The following MED13L variants were observed in gnomAD, a reference collection of about 807,000 sequenced individuals.
MED13L encodes mediator complex subunit 13L.
In MED13L, 7 loss-of-function variants were observed where a neutral mutation model predicts 220.9. The ratio of observed to expected loss-of-function variants is 0.03; its 90% CI spans 0.02 to 0.06. The LOEUF (loss-of-function observed/expected upper bound fraction) is 0.06, where lower values mean the gene tolerates loss of function less well. Among genes scored for constraint, MED13L ranks in the 10% least tolerant of loss-of-function variants. The pLI is 1.00. For missense variants in MED13L, 1,965 were observed against 2,760.5 expected, an observed-to-expected ratio of 0.71 and a Z score of 6.46; for synonymous variants, 1,011 against 1,015.2, an observed-to-expected ratio of 1.00 and a Z score of 0.08.
intron 4 of MED13L, among the ~76,000 whole-genome samples, chr12:116,028,170 C>G (rs1243858324): frequency 1.3e-5 from 2 of 152,066 alleles, no homozygotes; most frequent in Non-Finnish European, 2.9e-5. Flanking sequence ...TTAACTGTAT[C>G]AACTTAAATT....
At chr12:116,183,561 A>G (rs1880669373) in intron 2 of MED13L, among the ~76,000 whole-genome samples, 2 of 152,190 alleles carry the variant, frequency 1.3e-5, no homozygotes, top group African/African-American at 4.8e-5. Flanking sequence ...TAGCATCTAT[A>G]AACAAACATG....
chr12:116,045,608 T>C (rs553869833), intron 4 of MED13L, among the ~76,000 whole-genome samples: 5 of 152,288 alleles, frequency 3.3e-5, no homozygotes, highest in Admixed American at 2.0e-4. Context: ...TAATAGTATA[T>C]ATGTGGTGAA....
chr12:116,268,276 A>C (rs1872988055), intron 1 of MED13L, among the ~76,000 whole-genome samples: 1 of 152,232 alleles, frequency 6.6e-6, no homozygotes. Context: ...ATGCAGGCAC[A>C]AATACTAGGA....
Position 116,277,541 on chromosome 12 carries a change from C to T in MED13L, c.-410G>A, listed in dbSNP as rs1033349295. 3.6e-4 allele frequency among the ~76,000 whole-genome samples: 54 copies of T among 149,366 alleles called. No homozygotes were observed. Among genetic ancestry groups the T allele is most frequent in the African/African-American group, 1.2e-3 (51 of 41,224 alleles). On this transcript the variant is annotated 5_prime_UTR_variant, in exon 1 of 31. Coordinates refer to ENST00000281928, the MANE Select transcript of MED13L (RefSeq NM_015335.5). The stretch of plus-strand genomic sequence containing the variant: ...TCGGAGCCGCCGCCGCCGCGGAGCG[C>T]GAACTCGCGAAGGGGGGGGTGCGGA...
At chr12:116,184,514 G>A (rs548128738) in intron 2 of MED13L, among the ~76,000 whole-genome samples, 10 of 152,110 alleles carry the variant, frequency 6.6e-5, no homozygotes, top group Middle Eastern at 3.4e-3. Context: ...AAAACTTTAG[G>A]CTTGTTCAAA....
At chr12:116,125,301 C>CTCAA (rs1000386453) in intron 2 of MED13L, among the ~76,000 whole-genome samples, 4 of 152,136 alleles carry the variant, frequency 2.6e-5, no homozygotes, top group South Asian at 2.1e-4. Flanking sequence ...GTGATCCCAT[C>CTCAA]TCAATCAATC....
intron 4 of MED13L, among the ~76,000 whole-genome samples, chr12:116,080,024 T>G (rs1025535558): frequency 6.6e-6 from 1 of 151,690 alleles, no homozygotes. Context: ...ATTTGAGGTT[T>G]TTTTTTTTTT....
At chr12:116,136,808 C>T (rs548222978) in intron 2 of MED13L, among the ~76,000 whole-genome samples, 2 of 152,188 alleles carry the variant, frequency 1.3e-5, no homozygotes, top group African/African-American at 4.8e-5. Flanking sequence ...CAAGTGTTTA[C>T]ATTAATAAGA....
chr12:116,128,993 T>C (rs1875836219), intron 2 of MED13L, among the ~76,000 whole-genome samples: 1 of 152,214 alleles, frequency 6.6e-6, no homozygotes, highest in Non-Finnish European at 1.5e-5. Flanking sequence ...AGCAGCATTT[T>C]TGTGGACGTT....
intron 1 of MED13L, among the ~76,000 whole-genome samples, chr12:116,268,589 C>T (rs1211719554): frequency 2.0e-5 from 3 of 151,538 alleles, no homozygotes; most frequent in Non-Finnish European, 4.4e-5. Flanking sequence ...AGTTTGAAAC[C>T]GCCTGAGCAA....
At chr12:116,035,944 T>G (rs985482778) in intron 4 of MED13L, among the ~76,000 whole-genome samples, 1 of 152,208 alleles carries the variant, frequency 6.6e-6, no homozygotes, top group South Asian at 2.1e-4. Flanking sequence ...TCTCTCACTA[T>G]TTTAATTTAT....
chr12:116,245,930 A>T (rs1040148757), intron 1 of MED13L, among the ~76,000 whole-genome samples: 3 of 152,190 alleles, frequency 2.0e-5, no homozygotes, highest in Non-Finnish European at 2.9e-5. Context: ...GAGTGCTCAG[A>T]ACAATGGATT....
At chr12:116,010,244 A>T (rs930607266) in intron 9 of MED13L, among the ~76,000 whole-genome samples, 2 of 152,150 alleles carry the variant, frequency 1.3e-5, no homozygotes, top group Non-Finnish European at 2.9e-5. Context: ...AAATAAAAAC[A>T]AACACTCCTG....
chr12:116,185,635 A>T (rs1370347383), intron 2 of MED13L, among the ~76,000 whole-genome samples: 2 of 148,678 alleles, frequency 1.3e-5, no homozygotes, highest in African/African-American at 2.5e-5. Flanking sequence ...GAAAAATATC[A>T]ATTTTTTTCA....
chr12:116,217,138 G>A (rs772151284), intron 2 of MED13L, among the ~76,000 whole-genome samples: 3 of 152,160 alleles, frequency 2.0e-5, no homozygotes, highest in African/African-American at 4.8e-5. Context: ...TCTCTCCTGT[G>A]ACAGTTACCT....
intron 4 of MED13L, among the ~76,000 whole-genome samples, chr12:116,061,343 G>T (rs1468140706): frequency 6.6e-6 from 1 of 151,462 alleles, no homozygotes; most frequent in African/African-American, 2.4e-5. Flanking sequence ...TTATTTTTAA[G>T]GTATACAATA....
chr12:116,269,675 C>T (rs1873119310), intron 1 of MED13L, among the ~76,000 whole-genome samples: 1 of 151,864 alleles, frequency 6.6e-6, no homozygotes, highest in African/African-American at 2.4e-5. Flanking sequence ...CAAAACAAAA[C>T]AGACAAAAAA....
At chr12:116,074,486 C>T (rs929922987) in intron 4 of MED13L, among the ~76,000 whole-genome samples, 1 of 152,126 alleles carries the variant, frequency 6.6e-6, no homozygotes, top group African/African-American at 2.4e-5. Flanking sequence ...TTTATGTCAC[C>T]TAATAGACAA....
chr12:116,106,134 T>C (rs1873553475), intron 3 of MED13L, among the ~76,000 whole-genome samples: 1 of 152,202 alleles, frequency 6.6e-6, no homozygotes, highest in African/African-American at 2.4e-5. Context: ...TTGGATGAGC[T>C]AGTAACATCT....
Sources: gnomAD v4.1 joint callset for allele counts (sites outside exome capture counted in the v4.1 genomes callset) on GRCh38, gnomAD v4.1.1 for gene constraint, MANE v1.5 for transcripts, NCBI Gene and HGNC (gene_info 2026-07-23, HGNC 2026-07-21) for gene names.